ARPP21: variants seen among roughly 807,000 people sequenced by gnomAD.
The protein encoded by ARPP21 is cAMP-regulated phosphoprotein 21.
A neutral mutation model predicts 113.2 loss-of-function variants in ARPP21; 69 were observed. The ratio of observed to expected loss-of-function variants is 0.61; its 90% CI spans 0.50 to 0.74. ARPP21 has a LOEUF of 0.74. Ranked by LOEUF, ARPP21 falls within the 30% of genes least tolerant of loss-of-function variation. The probability of loss-of-function intolerance (pLI) is 0.00; values close to 1 mark genes in which losing one functional copy is unlikely to be tolerated. For missense variants in ARPP21, 1,070 were observed against 1,037.4 expected (o/e 1.03, Z -0.43); for synonymous variants, 368 against 375.5 (o/e 0.98, Z 0.23).
intron 1 of ARPP21, 59 bp downstream of exon 1, chr3:35,640,457 CCTT>C (rs1327301818): frequency 6.6e-6 from 1 of 152,068 alleles, no homozygotes; most frequent in African/African-American, 2.4e-5. Context: ...TTTTAGAATT[CCTT>C]CTTTCTTTCT....
At chr3:35,686,712 A>G (rs1395146870) in intron 5 of ARPP21, among the ~76,000 whole-genome samples, 1 of 151,610 alleles carries the variant, frequency 6.6e-6, no homozygotes, top group Non-Finnish European at 1.5e-5. Context: ...TAGTGGAAGA[A>G]AGCTTTGCCA....
chr3:35,739,493 A>G lies in ARPP21; in HGVS notation c.1926A>G (p.Ser642=). The change falls in exon 18 of 21, where the codon TCA becomes TCG. Residue 642 remains serine, a synonymous_variant. Coordinates refer to ENST00000684406, the MANE Select transcript of ARPP21 (RefSeq NM_001385562.1). ...AGCAGCTTCCTACAGGAGGATTCTC[A>G]GGCTCTGGCCCTCCCATCTCCCAGC... ...TGQQLPTGGF[S]GSGPPISQQV... is the part of the protein sequence containing the mutation. 1 of 1,614,100 alleles carries G rather than the reference A, an allele frequency of 6.2e-7. No individual in the cohort carries two copies. The highest frequency in any genetic ancestry group is 8.5e-7 in the Non-Finnish European group (1 of 1,180,020).
Position 35,729,426 on chromosome 3 carries a change from A to G in ARPP21, c.1349A>G (p.Glu450Gly), listed in dbSNP as rs1420151027. 1 of 1,614,054 alleles carries G rather than the reference A, an allele frequency of 6.2e-7. No homozygotes were observed. ...TCTCCAGGCTGTGTGCCTTATCCAG[A>G]GAATGGAATAGGGGGCCAGGTTGCT... is the stretch of plus-strand genomic sequence containing the variant. ...AGSPGCVPYP[E>G]NGIGGQVAPS... The change falls in exon 15 of 21, where the codon GAG becomes GGG. Residue 450 changes from glutamate to glycine, a missense_variant. Physicochemically the swap from Glu to Gly is moderately conservative, Grantham distance 98. Coordinates refer to ENST00000684406, the MANE Select transcript of ARPP21 (RefSeq NM_001385562.1).
Position 35,743,828 on chromosome 3 carries a change from T to C in ARPP21, c.2011-11T>C. The stretch of plus-strand genomic sequence containing the variant: ...TTTCATTCTCTGCTTTCTTCCTCCT[T>C]TCTTCCACAGATGCCTGTATATTAT... On this transcript the variant is annotated splice_polypyrimidine_tract_variant and intron_variant, in intron 18 of 20. Coordinates refer to ENST00000684406, the MANE Select transcript of ARPP21 (RefSeq NM_001385562.1). The C allele has an allele frequency of 6.2e-7, 1 of 1,612,750 alleles. No individual in the cohort carries two copies. Among genetic ancestry groups the C allele is most frequent in the Non-Finnish European group, 8.5e-7 (1 of 1,179,122 alleles).
chr3:35,649,001 C>T (rs1219092606), intron 1 of ARPP21, among the ~76,000 whole-genome samples: 3 of 152,146 alleles, frequency 2.0e-5, no homozygotes, highest in East Asian at 1.9e-4. Context: ...GACATGCTTA[C>T]GCACAAGTCA....
At chr3:35,639,019 GC>G, upstream of ARPP21, 1 of 152,242 alleles carries the variant, frequency 6.6e-6, no homozygotes, top group East Asian at 1.9e-4. This position sits in a 1 kb window ranked among gnomAD's most constrained non-coding sequence, Gnocchi z 5.0. Context: ...GTCCAGGGGC[GC>G]CCCCGAGACG....
intron 19 of ARPP21, among the ~76,000 whole-genome samples, chr3:35,749,414 T>C (rs1396776070): frequency 6.9e-6 from 1 of 145,672 alleles, no homozygotes; most frequent in Non-Finnish European, 1.5e-5. Context: ...CTCCAAAATC[T>C]TGGTCATTCC....
At chr3:35,670,382 A>G (rs895596529) in intron 1 of ARPP21, among the ~76,000 whole-genome samples, 16 of 151,032 alleles carry the variant, frequency 1.1e-4, no homozygotes, top group African/African-American at 3.2e-4. Flanking sequence ...TTTAAAAAGG[A>G]AAAAAAAAGG....
chr3:35,727,017 A>G (rs915545026), intron 14 of ARPP21, among the ~76,000 whole-genome samples: 2 of 152,362 alleles, frequency 1.3e-5, no homozygotes, highest in South Asian at 2.1e-4. Flanking sequence ...TTTCAGTGAT[A>G]TAGTCTCAAA....
chr3:35,762,631 C>T (rs2095825185), intron 19 of ARPP21, among the ~76,000 whole-genome samples: 2 of 152,096 alleles, frequency 1.3e-5, no homozygotes, highest in Admixed American at 6.6e-5. Flanking sequence ...AGACCTCACA[C>T]AGCAGACATG....
At chr3:35,792,132 C>T in intron 19 of ARPP21, 1 of 363,214 alleles carries the variant, frequency 2.8e-6, no homozygotes, top group East Asian at 4.5e-5. Flanking sequence ...TTATCATTGT[C>T]ACATGTATTC....
At chr3:35,741,370 A>C (rs1056974013) in intron 18 of ARPP21, among the ~76,000 whole-genome samples, 10 of 152,246 alleles carry the variant, frequency 6.6e-5, no homozygotes, top group Admixed American at 6.5e-5. Context: ...GGTATAGGCT[A>C]TAACCCATAG....
At chr3:35,784,883 A>G (rs2151804962) in intron 19 of ARPP21, 1 of 151,968 alleles carries the variant, frequency 6.6e-6, no homozygotes, top group African/African-American at 2.4e-5. Context: ...ATTTCTACAG[A>G]CTGAATCTGT....
intron 19 of ARPP21, chr3:35,744,702 C>G (rs555850390): frequency 1.0e-5 from 3 of 286,442 alleles, no homozygotes; most frequent in Admixed American, 5.5e-5. Flanking sequence ...GACTGCCTGA[C>G]GGGGAGACTC....
At chr3:35,789,344 A>T (rs1255445595) in intron 19 of ARPP21, among the ~76,000 whole-genome samples, 1 of 152,180 alleles carries the variant, frequency 6.6e-6, no homozygotes, top group African/African-American at 2.4e-5. Context: ...TCACATCCAG[A>T]CAGCTGCCTG....
Position 35,793,794 on chromosome 3 carries a change from G to A in ARPP21, c.2380G>A (p.Ala794Thr). ...CCAGGCAGGTCAAGGGTCACTCCCA[G>A]CCACTGGAATGCCTGTTTACTGTAA... ...PNQAGQGSLP[A>T]TGMPVYCNVT... is the part of the protein sequence containing the mutation. Residue 794 changes from alanine to threonine, a missense_variant, in exon 21 of 21, where the codon GCC becomes ACC. Physicochemically the swap from Ala to Thr is moderately conservative, Grantham distance 58 (BLOSUM62 0). Transcript: ENST00000684406. 1.2e-6 allele frequency: 2 copies of A among 1,614,154 alleles called. No homozygotes were observed. Among genetic ancestry groups the A allele is most frequent in the Non-Finnish European group, 8.5e-7 (1 of 1,180,022 alleles).
At chr3:35,738,079 C>CT in intron 16 of ARPP21, 135 bp from the exon 17 acceptor site, 1 of 593,122 alleles carries the variant, frequency 1.7e-6, no homozygotes, top group South Asian at 2.2e-5. Flanking sequence ...AGAGCCTTGA[C>CT]TTTCCTTTGG....
chr3:35,760,463 A>C (rs2095727610), intron 19 of ARPP21, among the ~76,000 whole-genome samples: 1 of 151,996 alleles, frequency 6.6e-6, no homozygotes, highest in Non-Finnish European at 1.5e-5. Context: ...TTCTCCAGGG[A>C]AGGAAGAACC....
At chr3:35,761,821 T>C (rs1046898754) in intron 19 of ARPP21, among the ~76,000 whole-genome samples, 3 of 152,058 alleles carry the variant, frequency 2.0e-5, no homozygotes, top group African/African-American at 7.2e-5. Flanking sequence ...AATTTCTAAG[T>C]AGAAGCAGAA....
Sources: gnomAD v4.1 joint callset for allele counts (sites outside exome capture counted in the v4.1 genomes callset) on GRCh38, gnomAD v4.1.1 for gene constraint, Gnocchi (gnomAD v3.1) non-coding constraint, MANE v1.5 for transcripts, NCBI Gene and HGNC (gene_info 2026-07-23, HGNC 2026-07-21) for gene names.